Variants in CDIPT observed in about 807,000 individuals in gnomAD.
CDIPT encodes PI synthase.
A neutral mutation model predicts 21.6 loss-of-function variants in CDIPT; 17 were observed. The observed-to-expected ratio is 0.79, with a 90% confidence interval of 0.54 to 1.18. CDIPT has a LOEUF of 1.18. Among genes scored for constraint, CDIPT ranks in the 50% most tolerant of loss-of-function variants. The pLI is 0.00. For missense variants in CDIPT, 254 were observed against 284.9 expected, an observed-to-expected ratio of 0.89 and a Z score of 0.78; for synonymous variants, 119 against 117.9, an observed-to-expected ratio of 1.01 and a Z score of -0.06.
rs2067692012 is a variant in CDIPT at position 29,862,573 on chromosome 16, G to A, written c.178+13C>T. On this transcript the variant is annotated intron_variant, in intron 2 of 5. Transcript: ENST00000219789. This position sits in a 1 kb window ranked among gnomAD's most constrained non-coding sequence, Gnocchi z 6.7. The stretch of plus-strand genomic sequence containing the variant: ...GTTGAACCCCAAGGCTGGCTGAGAG[G>A]GGTGTCTGTCACCTTGATTAAGAGC... The A allele has an allele frequency of 6.4e-7, 1 of 1,559,938 alleles. No homozygotes were observed. Among genetic ancestry groups the A allele is most frequent in the Non-Finnish European group, 8.7e-7 (1 of 1,151,722 alleles).
chr16:29,863,167 T>G lies in CDIPT; in HGVS notation c.-310A>C. On this transcript the variant is annotated 5_prime_UTR_variant, in exon 1 of 6. Transcript: ENST00000219789. ...GCCGCTGCTCCAGCTGCGCGTGGCT[T>G]CCGGGAACCTCCTCCTCCGCGCCCG... 2.4e-6 allele frequency: 1 copy of G among 423,560 alleles called. No individual in the cohort carries two copies. Among genetic ancestry groups the G allele is most frequent in the Non-Finnish European group, 4.2e-6 (1 of 236,060 alleles). The allele number at this position is 423,560 out of a possible 1,614,324, so 26.2% of individuals were successfully genotyped here.
Position 29,861,513 on chromosome 16 carries a change from C to T in CDIPT, c.179-254G>A, listed in dbSNP as rs1386092706. On this transcript the variant is annotated intron_variant, in intron 2 of 5. Transcript: ENST00000219789. Reference sequence around the variant, plus strand: ...GAAAGCTATGTCTGCAACTCATCAACCCCAGAACCAAGACTCCAGGGCTAG... The same window carrying T: ...GAAAGCTATGTCTGCAACTCATCAATCCCAGAACCAAGACTCCAGGGCTAG... The T allele has an allele frequency of 8.5e-6, 13 of 1,533,834 alleles. 1 individual carries two copies. The South Asian group carries it at 1.4e-4, about 17-fold the overall frequency.
At chr16:29,860,383 C>T (rs1028706187) in intron 4 of CDIPT, among the ~76,000 whole-genome samples, 198 bp downstream of exon 4, 4 of 152,234 alleles carry the variant, frequency 2.6e-5, no homozygotes, top group African/African-American at 9.6e-5. Flanking sequence ...CTCATTCCCA[C>T]TTGTTCCCTG....
rs2067691572 is a variant in CDIPT, at chr16:29,862,536, G to A, written c.178+50C>T. ...GAGGTCCCGAGGAGGCAGGGGAAGG[G>A]AGGAGGGGATTGTTGAACCCCAAGG... On this transcript the variant is annotated intron_variant, in intron 2 of 5. Transcript: ENST00000219789. This position sits in a 1 kb window ranked among gnomAD's most constrained non-coding sequence, Gnocchi z 6.7. 6.5e-7 allele frequency: 1 copy of A among 1,544,778 alleles called. No individual in the cohort carries two copies. Among genetic ancestry groups the A allele is most frequent in the Non-Finnish European group, 8.8e-7 (1 of 1,141,898 alleles).
rs921282469 is a variant in CDIPT at position 29,863,031 on chromosome 16, C to T, written c.-174G>A. 5 of 772,858 alleles carry T rather than the reference C, an allele frequency of 6.5e-6. No individual in the cohort carries two copies. The highest frequency in any genetic ancestry group is 6.2e-5 in the Admixed American group (3 of 48,472). 47.9% of individuals were successfully genotyped at this position (772,858 alleles called of 1,614,324 possible). A position where few individuals can be genotyped will look rare whatever the true frequency, so the allele number is the denominator to read the frequency against. On this transcript the variant is annotated 5_prime_UTR_variant, in exon 1 of 6. Coordinates refer to ENST00000219789, the MANE Select transcript of CDIPT (RefSeq NM_006319.5). ...AGCCCGCAGCCGTCGGGAGCATGGA[C>T]CGGCCCCGAGGTGCGCGGGACGCAG...
At chr16:29,860,438 C>A (rs1238426099) in intron 4 of CDIPT, 143 bp downstream of exon 4, 6 of 628,776 alleles carry the variant, frequency 9.5e-6, no homozygotes, top group Admixed American at 5.2e-5. Flanking sequence ...CTCCTCCACG[C>A]CTCAGCTTAC....
At position 29,860,632 on chromosome 16, in the gene CDIPT, C is replaced by T. The variant is rs781055169; in HGVS notation, c.363G>A (p.Lys121=). The T allele has an allele frequency of 6.2e-7, 1 of 1,613,138 alleles. No homozygotes were observed. Among genetic ancestry groups the T allele is most frequent in the South Asian group, 1.1e-5 (1 of 90,950 alleles). ...CCGGATTCCCGGACAAGTCGATCAT[C>T]TTGTGACTCTCACTGCCTCGGACCA... The part of the protein sequence containing the change: ...SSVVRGSESH[K]MIDLSGNPVL... The change falls in exon 4 of 6, where the codon AAG becomes AAA. Residue 121 remains lysine (K), a synonymous_variant. Transcript: ENST00000219789.
Position 29,862,495 on chromosome 16 carries a change from A to G in CDIPT, c.178+91T>C, listed in dbSNP as rs2150768608. 1 of 1,315,544 alleles carries G rather than the reference A, an allele frequency of 7.6e-7. No individual in the cohort carries two copies. The highest frequency in any genetic ancestry group is 2.5e-5 in the East Asian group (1 of 39,594). The allele number at this position is 1,315,544 out of a possible 1,614,324, so 81.5% of individuals were successfully genotyped here. On this transcript the variant is annotated intron_variant, in intron 2 of 5. Coordinates refer to ENST00000219789, the MANE Select transcript of CDIPT (RefSeq NM_006319.5). The surrounding 1 kb of genome is among the most constrained non-coding windows in gnomAD (Gnocchi z 6.7). Reference sequence around the variant, plus strand: ...TCTGCTTTTTCCAGAGATGGGAATGACAGCCCTCTGACTCTGAGGTCCCGA... The same window carrying G: ...TCTGCTTTTTCCAGAGATGGGAATGGCAGCCCTCTGACTCTGAGGTCCCGA...
In CDIPT at chr16:29,860,574, T is replaced by C. The variant is rs1233958040; in HGVS notation, c.414+7A>G. 6.3e-6 allele frequency: 10 copies of C among 1,592,412 alleles called. No individual in the cohort carries two copies. Among genetic ancestry groups the C allele is most frequent in the Admixed American group, 1.7e-5 (1 of 59,798 alleles). On this transcript the variant is annotated splice_region_variant and intron_variant, in intron 4 of 5. Transcript: ENST00000219789. The stretch of plus-strand genomic sequence containing the variant: ...CCTGAGGGGTGGGGTGTGCAGGAAA[T>C]GCTTACCCTCGAGGTGTAGTAGATC...
intron 4 of CDIPT, 67 bp downstream of exon 4, chr16:29,860,514 C>A: frequency 1.9e-6 from 2 of 1,065,850 alleles, no homozygotes; most frequent in African/African-American, 3.1e-5. Context: ...TAGGCTAGGA[C>A]CAGGATTCAG....
At position 29,861,127 on chromosome 16, in the gene CDIPT, C is replaced by G; in HGVS notation, c.311G>C (p.Ser104Thr). 6.2e-7 allele frequency: 1 copy of G among 1,614,172 alleles called. No individual in the cohort carries two copies. Among genetic ancestry groups the G allele is most frequent in the Non-Finnish European group, 8.5e-7 (1 of 1,180,044 alleles). ...AGACCTGTGGAGGTGCAGCCAGTGA[C>G]TGGCCACATCCAAACTCATGCTGAT... ...FQISMSLDVA[S>T]HWLHLHSSVV... Residue 104 changes from serine to threonine, a missense_variant, in exon 3 of 6, where the codon AGT (serine) becomes ACT (threonine). Physicochemically the swap from Ser to Thr is moderately conservative, Grantham distance 58. Coordinates refer to ENST00000219789, the MANE Select transcript of CDIPT (RefSeq NM_006319.5).
In CDIPT at chr16:29,862,949, T is replaced by C; in HGVS notation, c.-92A>G. The C allele has an allele frequency of 6.9e-7, 1 of 1,456,544 alleles. No homozygotes were observed. The highest frequency in any genetic ancestry group is 1.1e-5 in the South Asian group (1 of 87,178). 90.2% of individuals were successfully genotyped at this position (1,456,544 alleles called of 1,614,324 possible). A position where few individuals can be genotyped will look rare whatever the true frequency, so the allele number is the denominator to read the frequency against. Reference sequence around the variant, plus strand: ...CGGCCTCAGCCTCCGGCCCGGCGCATCGGCCGCACCACCTGCGCCCTGGAC... The same window carrying C: ...CGGCCTCAGCCTCCGGCCCGGCGCACCGGCCGCACCACCTGCGCCCTGGAC... On this transcript the variant is annotated 5_prime_UTR_variant, in exon 1 of 6. The change abolishes an upstream ATG in the 5' untranslated region. Transcript: ENST00000219789. This position sits in a 1 kb window ranked among gnomAD's most constrained non-coding sequence, Gnocchi z 6.7.
chr16:29,859,427 C>T lies in CDIPT; in HGVS notation c.496+15G>A, dbSNP rs753425092. 4 of 1,609,226 alleles carry T rather than the reference C, an allele frequency of 2.5e-6. No homozygotes were observed. The highest frequency in any genetic ancestry group is 2.2e-5 in the South Asian group (2 of 90,684). On this transcript the variant is annotated intron_variant, in intron 5 of 5. Coordinates refer to ENST00000219789, the MANE Select transcript of CDIPT (RefSeq NM_006319.5). This position sits in a 1 kb window ranked among gnomAD's most constrained non-coding sequence, Gnocchi z 4.5. ...ATCCCCCTCCCATCCTCCTGCCCAG[C>T]CCCTCATCTCCTACCTAAAGGTCCC...
chr16:29,860,503 C>T, intron 4 of CDIPT, 78 bp downstream of exon 4: 1 of 973,506 alleles, frequency 1.0e-6, no homozygotes, highest in Non-Finnish European at 1.6e-6. Context: ...TCGCCTTCTC[C>T]TAGGCTAGGA....
rs548600783 is a variant in CDIPT, at chr16:29,859,141, A to G, written c.*48T>C. On this transcript the variant is annotated 3_prime_UTR_variant, in exon 6 of 6. Coordinates refer to ENST00000219789, the MANE Select transcript of CDIPT (RefSeq NM_006319.5). The surrounding 1 kb of genome is among the most constrained non-coding windows in gnomAD (Gnocchi z 4.5). ...CAGGGGGTGGGGAGCTGTGTGGCAC[A>G]GCAAGACTCCCAGGGCAGGTGGGCA... The G allele has an allele frequency of 3.9e-4, 603 of 1,566,010 alleles. 10 individuals carry two copies. In the South Asian group the frequency reaches 6.4e-3, roughly 17 times the overall value.
intron 3 of CDIPT, 51 bp downstream of exon 3, chr16:29,861,055 A>C: frequency 6.3e-7 from 1 of 1,592,362 alleles, no homozygotes; most frequent in Non-Finnish European, 8.6e-7. Flanking sequence ...GGCTCAGCCC[A>C]CCCCACTGTA....
In CDIPT at chr16:29,861,193, T is replaced by A; in HGVS notation, c.245A>T (p.Asn82Ile). Residue 82 changes from asparagine to isoleucine, a missense_variant, in exon 3 of 6, where the codon AAC (asparagine) becomes ATC (isoleucine). Physicochemically the swap from Asn to Ile is moderately radical, Grantham distance 149. Transcript: ENST00000219789. The stretch of plus-strand genomic sequence containing the variant: ...GGCTCCAGGGTACAGCAGGGCCAGG[T>A]TGACCAACAGGCACATGGTGGAGCA... The part of the protein sequence containing the change: ...DRCSTMCLLV[N>I]LALLYPGATL... 6.2e-7 allele frequency: 1 copy of A among 1,614,146 alleles called. No individual in the cohort carries two copies. The highest frequency in any genetic ancestry group is 8.5e-7 in the Non-Finnish European group (1 of 1,180,018).
Position 29,859,586 on chromosome 16 carries a change from C to A in CDIPT, c.415-63G>T. Reference sequence around the variant, plus strand: ...AGGCGTGTGCCACCCCCTGCCCCCCCAGCACTAATGAAGGCACAATCTCGG... The same window carrying A: ...AGGCGTGTGCCACCCCCTGCCCCCCAAGCACTAATGAAGGCACAATCTCGG... On this transcript the variant is annotated intron_variant, in intron 4 of 5. Coordinates refer to ENST00000219789, the MANE Select transcript of CDIPT (RefSeq NM_006319.5). The surrounding 1 kb of genome is among the most constrained non-coding windows in gnomAD (Gnocchi z 4.5). The A allele has an allele frequency of 9.4e-7, 1 of 1,067,576 alleles. No individual in the cohort carries two copies. Among genetic ancestry groups the A allele is most frequent in the Non-Finnish European group, 1.4e-6 (1 of 690,370 alleles). 66.1% of individuals were successfully genotyped at this position (1,067,576 alleles called of 1,614,324 possible).
At position 29,859,315 on chromosome 16, in the gene CDIPT, G is replaced by C; in HGVS notation, c.516C>G (p.Phe172Leu). The C allele has an allele frequency of 6.4e-7, 1 of 1,567,288 alleles. No individual in the cohort carries two copies. The highest frequency in any genetic ancestry group is 8.7e-7 in the Non-Finnish European group (1 of 1,155,890). Residue 172 changes from phenylalanine to leucine, a missense_variant, in exon 6 of 6, where the codon TTC becomes TTG. By Grantham distance (22) the Phe-to-Leu change is conservative. Transcript: ENST00000219789. This position sits in a 1 kb window ranked among gnomAD's most constrained non-coding sequence, Gnocchi z 4.5. ...EGPLVGSVGLFRMGLWVTAPI... is the reference protein window; with the variant it reads ...EGPLVGSVGLLRMGLWVTAPI... Reference sequence around the variant, plus strand: ...GGGCAGTGACCCAGAGGCCCATCCGGAACAGTCCCACAGAGCCAACTGCAG... The same window carrying C: ...GGGCAGTGACCCAGAGGCCCATCCGCAACAGTCCCACAGAGCCAACTGCAG...
Sources: allele counts gnomAD v4.1 joint callset (sites outside exome capture counted in the v4.1 genomes callset), GRCh38; gene constraint gnomAD v4.1.1; non-coding constraint Gnocchi (gnomAD v3.1); transcripts MANE v1.5; gene names NCBI Gene and HGNC (gene_info 2026-07-23, HGNC 2026-07-21).